The following SUGP2 variants were observed in gnomAD, a reference collection of about 807,000 sequenced individuals.
SUGP2 encodes the protein SURP and G-patch domain containing 2.
A neutral mutation model predicts 90.5 loss-of-function variants in SUGP2; 24 were observed. The observed-to-expected ratio is 0.27, with a 90% CI of 0.19 to 0.37. SUGP2 has a LOEUF of 0.37. Among genes scored for constraint, SUGP2 ranks in the 10% least tolerant of loss-of-function variants. SUGP2 has a pLI of 1.00. For missense variants in SUGP2, 1,233 were observed against 1,363.3 expected, an observed-to-expected ratio of 0.90 and a Z score of 1.51; for synonymous variants, 473 against 513.4, an observed-to-expected ratio of 0.92 and a Z score of 1.06.
chr19:18,998,318 G>A (rs1452665284), intron 8 of SUGP2, among the ~76,000 whole-genome samples: 1 of 152,176 alleles, frequency 6.6e-6, no homozygotes, highest in African/African-American at 2.4e-5. Flanking sequence ...ACAGGATCTT[G>A]CTCTGTCACC....
intron 2 of SUGP2, 71 bp from the exon 3 acceptor site, chr19:19,026,297 G>A: frequency 7.1e-7 from 1 of 1,407,472 alleles, no homozygotes; most frequent in Non-Finnish European, 9.3e-7. Flanking sequence ...TGCAAACAGT[G>A]CAAACAAACA....
intron 3 of SUGP2, among the ~76,000 whole-genome samples, chr19:19,024,322 G>A (rs780553518): frequency 2.0e-5 from 3 of 151,766 alleles, no homozygotes; most frequent in African/African-American, 7.3e-5. Context: ...TGTTGGCCAG[G>A]CTGGTCTCAA....
intron 2 of SUGP2, among the ~76,000 whole-genome samples, chr19:19,028,227 A>G (rs1180654335): frequency 6.6e-6 from 1 of 152,200 alleles, no homozygotes; most frequent in Non-Finnish European, 1.5e-5. Context: ...CCCCCAGGTG[A>G]CGCTAACGTG....
At position 19,008,195 on chromosome 19, in the gene SUGP2, T is replaced by G. The variant is rs145068369; in HGVS notation, c.2450+122A>C. On this transcript the variant is annotated intron_variant, in intron 6 of 10. Coordinates refer to ENST00000452918, the MANE Select transcript of SUGP2 (RefSeq NM_001017392.5). ...GGAGCACACCTGTGGTCCCAGCTACTCTGGAGGCTGAAACAGGAGGATCAC... is the reference window on the plus strand; with the variant it reads ...GGAGCACACCTGTGGTCCCAGCTACGCTGGAGGCTGAAACAGGAGGATCAC... 211 of 838,916 alleles carry G rather than the reference T, an allele frequency of 2.5e-4. 4 individuals are homozygous for G. The East Asian group carries it at 5.1e-3, about 20-fold the overall frequency. 52.0% of individuals were successfully genotyped at this position (838,916 alleles called of 1,614,324 possible).
intron 10 of SUGP2, chr19:18,994,088 C>T: frequency 6.1e-6 from 2 of 325,800 alleles, no homozygotes; most frequent in South Asian, 8.7e-5. Flanking sequence ...GGAGGCTGGC[C>T]TGGAGGCCTT....
chr19:19,011,351 T>C (rs1450552513), intron 4 of SUGP2, among the ~76,000 whole-genome samples: 1 of 151,836 alleles, frequency 6.6e-6, no homozygotes, highest in African/African-American at 2.4e-5. Flanking sequence ...TTTCACCATG[T>C]TGCCTAGGCT....
At chr19:19,003,472 G>A (rs1227879301) in intron 7 of SUGP2, 5 of 152,296 alleles carry the variant, frequency 3.3e-5, no homozygotes, top group Admixed American at 2.0e-4. Flanking sequence ...TCTATGTACT[G>A]ACAGACTAGG....
At chr19:19,021,052 G>A (rs567047086) in intron 3 of SUGP2, among the ~76,000 whole-genome samples, 1 of 151,842 alleles carries the variant, frequency 6.6e-6, no homozygotes, top group Admixed American at 6.6e-5. Context: ...CCAGCTACTA[G>A]GGAGGCTGAG....
chr19:19,033,138 A>G (rs1357141149), intron 1 of SUGP2: 5 of 169,944 alleles, frequency 2.9e-5, no homozygotes, highest in African/African-American at 1.2e-4. Flanking sequence ...GGGCGCCGTT[A>G]TCTCCTCCCG....
At chr19:19,008,513 T>A in intron 5 of SUGP2, 85 bp from the exon 6 acceptor site, 1 of 1,087,606 alleles carries the variant, frequency 9.2e-7, no homozygotes. Flanking sequence ...AGGCTGATTA[T>A]AAAGATGGCC....
At position 18,993,134 on chromosome 19, in the gene SUGP2, AT is replaced by A. The variant is rs754599298; in HGVS notation, c.*606del. The A allele has an allele frequency of 6.6e-6, 1 of 152,320 alleles. No individual in the cohort carries two copies. Among genetic ancestry groups the A allele is most frequent in the Non-Finnish European group, 1.5e-5 (1 of 68,028 alleles). The allele number at this position is 152,320 out of a possible 1,614,324, so 9.4% of individuals were successfully genotyped here. ...ACTCCCCACCCGATAGAGCTATTCT[AT>A]ACTGTTGCTAAAATTTCATTAAGTC... is the stretch of plus-strand genomic sequence containing the variant. On this transcript the variant is annotated 3_prime_UTR_variant, in exon 11 of 11. Transcript: ENST00000452918.
In SUGP2 at chr19:18,999,161, AAC is replaced by A. The variant is rs368761433; in HGVS notation, c.2991+2450_2991+2451del. Among the ~76,000 whole-genome samples, 122 of 152,302 alleles carry A rather than the reference AAC, an allele frequency of 8.0e-4. 1 individual carries two copies. Among genetic ancestry groups the A allele is most frequent in the African/African-American group, 2.8e-3 (115 of 41,564 alleles). ...TTCGTGAATGTTCAAATCTGTGTTTAACAATCATGATGGTGGTTTCCTGGACA... is the reference window on the plus strand; with the variant it reads ...TTCGTGAATGTTCAAATCTGTGTTTAAATCATGATGGTGGTTTCCTGGACA... On this transcript the variant is annotated intron_variant, in intron 8 of 10. Transcript: ENST00000452918.
chr19:19,004,117 A>G, intron 7 of SUGP2, 51 bp downstream of exon 7: 1 of 1,412,392 alleles, frequency 7.1e-7, no homozygotes, highest in Non-Finnish European at 9.6e-7. Flanking sequence ...CTCACAGCCC[A>G]CCAACCAAGA....
rs77636193 is a variant in SUGP2 at position 19,012,203 on chromosome 19, G to A, written c.1851-1861C>T. ...CACTGCTGCCCTGGCACTCTGTTGG[G>A]CTAACGGTGGCATCCTGCAAGATCA... On this transcript the variant is annotated intron_variant, in intron 4 of 10. Coordinates refer to ENST00000452918, the MANE Select transcript of SUGP2 (RefSeq NM_001017392.5). Among the ~76,000 whole-genome samples, 113 of 152,320 alleles carry A rather than the reference G, an allele frequency of 7.4e-4. 3 individuals are homozygous for A. The East Asian group carries it at 0.019, about 25-fold the overall frequency.
At chr19:19,009,205 G>A (rs889242931) in intron 5 of SUGP2, among the ~76,000 whole-genome samples, 4 of 152,138 alleles carry the variant, frequency 2.6e-5, no homozygotes, top group Admixed American at 6.5e-5. Flanking sequence ...GAGCCACCAC[G>A]CCCAGCTGAT....
chr19:19,033,491 G>T lies in SUGP2; in HGVS notation c.-66C>A. The T allele has an allele frequency of 7.5e-6, 9 of 1,194,766 alleles. No individual in the cohort carries two copies. Among genetic ancestry groups the T allele is most frequent in the Non-Finnish European group, 9.7e-6 (9 of 932,628 alleles). The allele number at this position is 1,194,766 out of a possible 1,614,324, so 74.0% of individuals were successfully genotyped here. A position where few individuals can be genotyped will look rare whatever the true frequency, so the allele number is the denominator to read the frequency against. On this transcript the variant is annotated 5_prime_UTR_variant, in exon 1 of 11. Transcript: ENST00000452918. ...CGCCGCCGCCTCAGGCTCCTCACCCGCCGCCGCCGCCGCGCGAGGCGGGGA... is the reference window on the plus strand; with the variant it reads ...CGCCGCCGCCTCAGGCTCCTCACCCTCCGCCGCCGCCGCGCGAGGCGGGGA...
intron 2 of SUGP2, among the ~76,000 whole-genome samples, chr19:19,030,624 A>T (rs1051118515): frequency 4.6e-5 from 7 of 152,158 alleles, no homozygotes; most frequent in Non-Finnish European, 7.4e-5. Context: ...CTGACAGATC[A>T]AAACATTATC....
Position 18,994,480 on chromosome 19 carries a change from G to A in SUGP2, c.3135C>T (p.Thr1045=). 6.2e-7 allele frequency: 1 copy of A among 1,613,918 alleles called. No individual in the cohort carries two copies. The highest frequency in any genetic ancestry group is 8.5e-7 in the Non-Finnish European group (1 of 1,179,916). The change falls in exon 10 of 11, where the codon ACC becomes ACT. Residue 1045 remains threonine, a synonymous_variant. Transcript: ENST00000452918. The stretch of plus-strand genomic sequence containing the variant: ...CACCCAACCCTTCCCCTTCCGAGGG[G>A]GTTCCCCTAGGGAGTGAAAAAGAGA... ...KGIREPVSVG[T]PSEGEGLGAD...
chr19:18,997,782 C>CAAAAAAAAAA (rs35875282), intron 8 of SUGP2, among the ~76,000 whole-genome samples: 2 of 88,270 alleles, frequency 2.3e-5, no homozygotes, highest in African/African-American at 4.3e-5. Flanking sequence ...GACTCCGTCT[C>CAAAAAAAAAA]AAAAAAAAAA....
Sources: gnomAD v4.1 joint callset for allele counts (sites outside exome capture counted in the v4.1 genomes callset) on GRCh38, gnomAD v4.1.1 for gene constraint, MANE v1.5 for transcripts, NCBI Gene and HGNC (gene_info 2026-07-23, HGNC 2026-07-21) for gene names.